Variants in SLC35E4 observed in about 807,000 individuals in gnomAD.
SLC35E4 encodes solute carrier family 35 member E4, also known as solute carrier family 35, member E4.
Under a neutral mutation model 19.3 loss-of-function variants are expected in SLC35E4, and 15 were observed. The ratio of observed to expected loss-of-function variants is 0.78; its 90% CI spans 0.52 to 1.20. The LOEUF is 1.20. Ranked by LOEUF, SLC35E4 falls within the 50% of genes most tolerant of loss-of-function variation. SLC35E4 has a pLI of 0.00. For synonymous variants in SLC35E4, 219 were observed against 219.9 expected (o/e 1.00, Z 0.04); for missense variants, 406 against 472.3 (o/e 0.86, Z 1.30).
At chr22:30,654,196 G>T in intron 2 of SLC35E4, 1 of 291,108 alleles carries the variant, frequency 3.4e-6, no homozygotes. Flanking sequence ...ATGTTAGCCA[G>T]GATGGTCTCA....
At chr22:30,637,575 GAC>G (rs2087971070) in intron 1 of SLC35E4, among the ~76,000 whole-genome samples, 1 of 151,644 alleles carries the variant, frequency 6.6e-6, no homozygotes, top group African/African-American at 2.4e-5. Flanking sequence ...TTTTTTTATA[GAC>G]ACAGAGTCTT....
intron 2 of SLC35E4, among the ~76,000 whole-genome samples, chr22:30,657,928 A>G (rs1217295325): frequency 6.8e-6 from 1 of 146,248 alleles, no homozygotes; most frequent in African/African-American, 2.5e-5. Context: ...TAATAATAAT[A>G]ATAATAATAA....
chr22:30,645,299 G>A (rs968513892), intron 1 of SLC35E4, among the ~76,000 whole-genome samples: 2 of 152,100 alleles, frequency 1.3e-5, no homozygotes, highest in African/African-American at 4.8e-5. Flanking sequence ...TCGAAGCTGG[G>A]TGAAGAACCC....
At chr22:30,653,616 G>GC (rs146345605) in intron 2 of SLC35E4, among the ~76,000 whole-genome samples, 6,660 of 151,522 alleles carry the variant, frequency 0.044, 318 homozygotes, top group East Asian at 0.24. Context: ...CAAGTGACCC[G>GC]CCCCCCCTCG....
chr22:30,648,526 C>T (rs1335288739), downstream of SLC35E4, among the ~76,000 whole-genome samples: 3 of 152,216 alleles, frequency 2.0e-5, no homozygotes, highest in South Asian at 2.1e-4. Flanking sequence ...CCAAGGCGGG[C>T]GGATCACCTG....
chr22:30,649,273 C>G (rs1034451172), downstream of SLC35E4: 8 of 716,032 alleles, frequency 1.1e-5, no homozygotes, highest in Admixed American at 2.0e-5. Flanking sequence ...CCAACTGGCT[C>G]TGCTTTTATC....
At chr22:30,646,564 C>T (rs1346785969) in intron 1 of SLC35E4, 34 bp from the exon 2 acceptor site, 2 of 1,572,556 alleles carry the variant, frequency 1.3e-6, no homozygotes, top group Non-Finnish European at 1.7e-6. Flanking sequence ...GGGTTGTGTC[C>T]TTCTGGGTGC....
intron 2 of SLC35E4, among the ~76,000 whole-genome samples, chr22:30,655,123 G>A (rs2088308575): frequency 1.3e-5 from 2 of 152,126 alleles, no homozygotes; most frequent in South Asian, 4.1e-4. Flanking sequence ...TACAGGGGCT[G>A]TGCAGGGTCT....
downstream of SLC35E4, among the ~76,000 whole-genome samples, chr22:30,650,452 C>A (rs1199467123): frequency 6.6e-6 from 1 of 152,124 alleles, no homozygotes; most frequent in East Asian, 1.9e-4. Context: ...GCCAAGATTA[C>A]GCCACTGCAC....
At position 30,656,313 on chromosome 22, in the gene SLC35E4, A is replaced by G. The variant is rs376709977; in HGVS notation, c.*9-5747A>G. 1.6e-4 allele frequency among the ~76,000 whole-genome samples: 25 copies of G among 152,052 alleles called. No homozygotes were observed. The East Asian group carries it at 1.7e-3, about 11-fold the overall frequency. On this transcript the variant is annotated intron_variant, in intron 2 of 2. Transcript: ENST00000406566. ...TTGGATTTAACATCCCAGGATAGGA[A>G]AGCAGGGCTGTGTGCTTCAAGGTCA...
chr22:30,664,022 G>T, downstream of SLC35E4: 1 of 1,599,476 alleles, frequency 6.3e-7, no homozygotes, highest in Non-Finnish European at 8.5e-7. Context: ...TGGGTCAGTG[G>T]TCAGCAGTCA....
At chr22:30,665,595 C>G, downstream of SLC35E4, 1 of 468,004 alleles carries the variant, frequency 2.1e-6, no homozygotes, top group South Asian at 1.6e-5. Context: ...TAGATCACAC[C>G]CCTCCCTCAC....
chr22:30,645,163 G>A (rs905459770), intron 1 of SLC35E4, among the ~76,000 whole-genome samples: 2 of 152,172 alleles, frequency 1.3e-5, no homozygotes, highest in African/African-American at 4.8e-5. Context: ...AGGCCCCCAT[G>A]TGGCTAGTAA....
downstream of SLC35E4, among the ~76,000 whole-genome samples, chr22:30,664,758 C>G (rs2088588967): frequency 6.6e-6 from 1 of 152,230 alleles, no homozygotes; most frequent in Non-Finnish European, 1.5e-5. Flanking sequence ...CATGCTCCTG[C>G]ACCTTGCCTC....
intron 2 of SLC35E4, among the ~76,000 whole-genome samples, chr22:30,655,429 C>CTAAAAAAAAA (rs1389184839): frequency 9.0e-6 from 1 of 111,676 alleles, no homozygotes; most frequent in African/African-American, 3.6e-5. Flanking sequence ...GAGATCCTAC[C>CTAAAAAAAAA]AAAAAAAAAA....
chr22:30,645,423 C>T (rs1301035081), intron 1 of SLC35E4, among the ~76,000 whole-genome samples: 2 of 152,020 alleles, frequency 1.3e-5, no homozygotes, highest in Non-Finnish European at 2.9e-5. Context: ...GGCGAAACCC[C>T]GTCTCTACTA....
chr22:30,666,168 CAT>C (rs2088650769), downstream of SLC35E4, among the ~76,000 whole-genome samples: 1 of 152,116 alleles, frequency 6.6e-6, no homozygotes, highest in Non-Finnish European at 1.5e-5. Flanking sequence ...TCAGAAAATC[CAT>C]AGAGAAGTGA....
chr22:30,657,720 C>T (rs991711280), intron 2 of SLC35E4, among the ~76,000 whole-genome samples: 4 of 151,084 alleles, frequency 2.6e-5, no homozygotes, highest in Admixed American at 6.6e-5. Context: ...CTGGCTAACA[C>T]GGTGAAACCC....
chr22:30,651,761 G>A (rs1645344594), downstream of SLC35E4, among the ~76,000 whole-genome samples: 1 of 152,064 alleles, frequency 6.6e-6, no homozygotes. Flanking sequence ...TATTGATTTA[G>A]AGTAACAATT....
Sources: allele counts gnomAD v4.1 joint callset (sites outside exome capture counted in the v4.1 genomes callset), GRCh38; gene constraint gnomAD v4.1.1; transcripts MANE v1.5; gene names NCBI Gene and HGNC (gene_info 2026-07-23, HGNC 2026-07-21).